TUBA4A: variants seen among roughly 807,000 people sequenced by gnomAD.
The protein encoded by TUBA4A is tubulin alpha-4A chain.
TUBA4A carries 23 observed loss-of-function variants against 34.3 expected under a neutral mutation model. The observed-to-expected ratio is 0.67, with a 90% confidence interval of 0.48 to 0.95. TUBA4A has a LOEUF of 0.95. Among genes scored for constraint, TUBA4A ranks in the 40% least tolerant of loss-of-function variants. The probability of loss-of-function intolerance (pLI) is 0.00; values close to 1 mark genes in which losing one functional copy is unlikely to be tolerated. For synonymous variants in TUBA4A, 216 were observed against 230.5 expected (o/e 0.94, Z 0.57); for missense variants, 279 against 599.0 (o/e 0.47, Z 5.58).
chr2:219,250,072 G>C lies in TUBA4A; in HGVS notation c.*280C>G, dbSNP rs984256326. ...CTCATCCTTCAACAGTTTGTGCCTG[G>C]ATTTTGGTCCTCATTTCCTCCCTAT... On this transcript the variant is annotated 3_prime_UTR_variant, in exon 4 of 4. Transcript: ENST00000248437. This position sits in a 1 kb window ranked among gnomAD's most constrained non-coding sequence, Gnocchi z 8.4. 6 of 401,498 alleles carry C rather than the reference G, an allele frequency of 1.5e-5. No homozygotes were observed. In the South Asian group the frequency reaches 2.4e-4, roughly 16 times the overall value. 24.9% of individuals were successfully genotyped at this position (401,498 alleles called of 1,614,324 possible).
In TUBA4A at chr2:219,251,113, C is replaced by T. The variant is rs1276213141; in HGVS notation, c.586G>A (p.Glu196Lys). 1.2e-6 allele frequency: 2 copies of T among 1,614,144 alleles called. No individual in the cohort carries two copies. Among genetic ancestry groups the T allele is most frequent in the East Asian group, 4.5e-5 (2 of 44,892 alleles). ...NSILTTHTTL[E>K]HSDCAFMVDN... ...ACCATGAAGGCACAGTCTGAGTGCTCCAGGGTGGTGTGGGTGGTCAGGATA... is the reference window on the plus strand; with the variant it reads ...ACCATGAAGGCACAGTCTGAGTGCTTCAGGGTGGTGTGGGTGGTCAGGATA... Residue 196 changes from glutamate (E) to lysine (K), a missense_variant, in exon 4 of 4, where the codon GAG becomes AAG. Physicochemically the swap from Glu to Lys is moderately conservative, Grantham distance 56. Around this residue, in one of 3 missense-constraint regions of TUBA4A, gnomAD observed 108 missense variants for 299.9 expected, o/e 0.36. Coordinates refer to ENST00000248437, the MANE Select transcript of TUBA4A (RefSeq NM_006000.3). This position sits in a 1 kb window ranked among gnomAD's most constrained non-coding sequence, Gnocchi z 6.1.
upstream of TUBA4A, chr2:219,253,941 C>T: frequency 5.0e-6 from 6 of 1,194,790 alleles, no homozygotes; most frequent in Non-Finnish European, 6.5e-6. Context: ...GCCGCACCGC[C>T]CTTATAGGCG....
At position 219,251,528 on chromosome 2, in the gene TUBA4A, T is replaced by C. The variant is rs1199764562; in HGVS notation, c.375+37A>G. The C allele has an allele frequency of 6.2e-7, 1 of 1,602,588 alleles. No individual in the cohort carries two copies. The highest frequency in any genetic ancestry group is 8.5e-7 in the Non-Finnish European group (1 of 1,172,224). Reference sequence around the variant, plus strand: ...AAAATATTCCTGACCATTAGCACAGTCTCAAAAGTTCCCTCCCTCCCAAGA... The same window carrying C: ...AAAATATTCCTGACCATTAGCACAGCCTCAAAAGTTCCCTCCCTCCCAAGA... On this transcript the variant is annotated intron_variant, in intron 3 of 3. Coordinates refer to ENST00000248437, the MANE Select transcript of TUBA4A (RefSeq NM_006000.3). This position sits in a 1 kb window ranked among gnomAD's most constrained non-coding sequence, Gnocchi z 6.1.
chr2:219,250,610 C>A lies in TUBA4A; in HGVS notation c.1089G>T (p.Val363=), dbSNP rs776470776. 6 of 1,614,128 alleles carry A rather than the reference C, an allele frequency of 3.7e-6. No homozygotes were observed. The highest frequency in any genetic ancestry group is 2.5e-6 in the Non-Finnish European group (3 of 1,180,048). ...VGINYQPPTV[V]PGGDLAKVQR... is the part of the protein sequence containing the mutation. ...GCACCTTGGCCAGGTCACCCCCAGG[C>A]ACCACAGTGGGAGGCTGGTAGTTGA... The change falls in exon 4 of 4, where the codon GTG becomes GTT. Residue 363 remains valine (V), a synonymous_variant. Coordinates refer to ENST00000248437, the MANE Select transcript of TUBA4A (RefSeq NM_006000.3). The surrounding 1 kb of genome is among the most constrained non-coding windows in gnomAD (Gnocchi z 8.4).
At position 219,251,455 on chromosome 2, in the gene TUBA4A, C is replaced by G; in HGVS notation, c.375+110G>C. 6.5e-7 allele frequency: 1 copy of G among 1,540,554 alleles called. No individual in the cohort carries two copies. Among genetic ancestry groups the G allele is most frequent in the South Asian group, 1.2e-5 (1 of 80,126 alleles). ...CTGAGGATGCCATAGCAGCACCACACTCGAGACCATGTATAGTTAGAGATG... is the reference window on the plus strand; with the variant it reads ...CTGAGGATGCCATAGCAGCACCACAGTCGAGACCATGTATAGTTAGAGATG... On this transcript the variant is annotated intron_variant, in intron 3 of 3. Coordinates refer to ENST00000248437, the MANE Select transcript of TUBA4A (RefSeq NM_006000.3). This position sits in a 1 kb window ranked among gnomAD's most constrained non-coding sequence, Gnocchi z 6.1.
rs1268948420 is a variant in TUBA4A, at chr2:219,251,955, G to A, written c.226+53C>T. On this transcript the variant is annotated intron_variant, in intron 2 of 3. Transcript: ENST00000248437. The surrounding 1 kb of genome is among the most constrained non-coding windows in gnomAD (Gnocchi z 6.1). The stretch of plus-strand genomic sequence containing the variant: ...TCTAAATACCCTCTCTCTCCAGGGA[G>A]AAGCTTTGAGTCATGCTCCACCCCC... The A allele has an allele frequency of 2.6e-6, 4 of 1,566,030 alleles. No individual in the cohort carries two copies. The highest frequency in any genetic ancestry group is 3.5e-6 in the Non-Finnish European group (4 of 1,138,960).
Position 219,250,059 on chromosome 2 carries a change from C to T in TUBA4A, c.*293G>A. 5.3e-6 allele frequency: 2 copies of T among 376,822 alleles called. No individual in the cohort carries two copies. Among genetic ancestry groups the T allele is most frequent in the African/African-American group, 2.0e-5 (1 of 49,282 alleles). 23.3% of individuals were successfully genotyped at this position (376,822 alleles called of 1,614,324 possible). A position where few individuals can be genotyped will look rare whatever the true frequency, so the allele number is the denominator to read the frequency against. ...AAGGAGCTGAAGACTCATCCTTCAA[C>T]AGTTTGTGCCTGGATTTTGGTCCTC... On this transcript the variant is annotated 3_prime_UTR_variant, in exon 4 of 4. Coordinates refer to ENST00000248437, the MANE Select transcript of TUBA4A (RefSeq NM_006000.3). The surrounding 1 kb of genome is among the most constrained non-coding windows in gnomAD (Gnocchi z 8.4).
chr2:219,250,623 G>A lies in TUBA4A; in HGVS notation c.1076C>T (p.Pro359Leu). ...TGFKVGINYQ[P>L]PTVVPGGDLA... ...GTCACCCCCAGGCACCACAGTGGGA[G>A]GCTGGTAGTTGATACCAACCTTGAA... Residue 359 changes from proline to leucine, a missense_variant, in exon 4 of 4, where the codon CCT (proline) becomes CTT (leucine). Transcript: ENST00000248437. This position sits in a 1 kb window ranked among gnomAD's most constrained non-coding sequence, Gnocchi z 8.4. The A allele has an allele frequency of 6.2e-7, 1 of 1,614,246 alleles. No homozygotes were observed. The highest frequency in any genetic ancestry group is 1.7e-5 in the Admixed American group (1 of 60,028).
Position 219,250,222 on chromosome 2 carries a change from G to A in TUBA4A, c.*130C>T, listed in dbSNP as rs1253607488. ...ATAAGGGTCATGAACAGCAAACAGA[G>A]CAGCAGCAGCATGAAGGGGAAGGCA... On this transcript the variant is annotated 3_prime_UTR_variant, in exon 4 of 4. Transcript: ENST00000248437. This position sits in a 1 kb window ranked among gnomAD's most constrained non-coding sequence, Gnocchi z 8.4. The A allele has an allele frequency of 3.0e-6, 4 of 1,316,816 alleles. No individual in the cohort carries two copies. In the African/African-American group the frequency reaches 4.4e-5, roughly 15 times the overall value. 81.6% of individuals were successfully genotyped at this position (1,316,816 alleles called of 1,614,324 possible).
At position 219,252,672 on chromosome 2, in the gene TUBA4A, C is replaced by A; in HGVS notation, c.4-442G>T. The A allele has an allele frequency of 2.3e-6, 1 of 432,736 alleles. No homozygotes were observed. Among genetic ancestry groups the A allele is most frequent in the South Asian group, 1.7e-5 (1 of 59,778 alleles). 26.8% of individuals were successfully genotyped at this position (432,736 alleles called of 1,614,324 possible). On this transcript the variant is annotated intron_variant, in intron 1 of 3. Coordinates refer to ENST00000248437, the MANE Select transcript of TUBA4A (RefSeq NM_006000.3). The surrounding 1 kb of genome is among the most constrained non-coding windows in gnomAD (Gnocchi z 4.1). ...CAATCTGGCATCAACTGACCACACG[C>A]CATCAGGATGCCCTCCTCCCTCACC...
intron 1 of TUBA4A, chr2:219,253,354 C>T: frequency 7.7e-7 from 1 of 1,301,916 alleles, no homozygotes; most frequent in Non-Finnish European, 1.0e-6. Flanking sequence ...TGCTGAGTCA[C>T]GGGGGGGGGG....
chr2:219,253,309 C>A, intron 1 of TUBA4A: 1 of 1,522,768 alleles, frequency 6.6e-7, no homozygotes, highest in South Asian at 1.2e-5. Context: ...AGGCCGAACC[C>A]CGTTCCCACC....
upstream of TUBA4A, chr2:219,254,005 G>T (rs1295813860): frequency 8.9e-6 from 7 of 790,108 alleles, no homozygotes; most frequent in South Asian, 3.0e-5. Context: ...TGGGCGGCCC[G>T]CAGGCCACGC....
chr2:219,251,835 A>G lies in TUBA4A; in HGVS notation c.227-122T>C, dbSNP rs1951653599. ...CCAGCCTGAGATACCAGAGTGTGAG[A>G]GAAACCCAGACCAGCTGCCCAGGCC... is the stretch of plus-strand genomic sequence containing the variant. On this transcript the variant is annotated intron_variant, in intron 2 of 3. Transcript: ENST00000248437. The surrounding 1 kb of genome is among the most constrained non-coding windows in gnomAD (Gnocchi z 6.1). The G allele has an allele frequency of 7.1e-7, 1 of 1,417,976 alleles. No individual in the cohort carries two copies. The highest frequency in any genetic ancestry group is 9.5e-7 in the Non-Finnish European group (1 of 1,048,138). The allele number at this position is 1,417,976 out of a possible 1,614,324, so 87.8% of individuals were successfully genotyped here. A position where few individuals can be genotyped will look rare whatever the true frequency, so the allele number is the denominator to read the frequency against.
intron 1 of TUBA4A, 68 bp downstream of exon 1, chr2:219,253,788 G>A: frequency 6.5e-7 from 1 of 1,526,952 alleles, no homozygotes; most frequent in Non-Finnish European, 8.8e-7. Context: ...AGCATGCCTG[G>A]AAGAAGTGTC....
chr2:219,252,267 A>T lies in TUBA4A; in HGVS notation c.4-37T>A. The T allele has an allele frequency of 6.4e-7, 1 of 1,564,828 alleles. No homozygotes were observed. Among genetic ancestry groups the T allele is most frequent in the Non-Finnish European group, 8.8e-7 (1 of 1,137,154 alleles). Reference sequence around the variant, plus strand: ...AGAGAGGGGACACAGCATGAGCCCCACATCCACAAGTCCTCACCTTGCGAG... The same window carrying T: ...AGAGAGGGGACACAGCATGAGCCCCTCATCCACAAGTCCTCACCTTGCGAG... On this transcript the variant is annotated intron_variant, in intron 1 of 3. Transcript: ENST00000248437. This position sits in a 1 kb window ranked among gnomAD's most constrained non-coding sequence, Gnocchi z 4.1.
At chr2:219,253,371 T>C (rs1951681139) in intron 1 of TUBA4A, 1 of 1,534,704 alleles carries the variant, frequency 6.5e-7, no homozygotes, top group Non-Finnish European at 8.7e-7. Flanking sequence ...GGGGTGGTTC[T>C]GTGGATAGTT....
upstream of TUBA4A, chr2:219,253,982 GC>G: frequency 9.5e-7 from 1 of 1,052,806 alleles, no homozygotes; most frequent in Non-Finnish European, 1.3e-6. Context: ...TTCCCCGCTC[GC>G]CCACTAGAGG....
At chr2:219,253,964 G>A, upstream of TUBA4A, 3 of 1,061,302 alleles carry the variant, frequency 2.8e-6, no homozygotes, top group Non-Finnish European at 3.8e-6. Context: ...GGGGGGGCGG[G>A]GCCCGCGTTC....
Sources: gnomAD v4.1 joint callset for allele counts on GRCh38, gnomAD v4.1.1 for gene constraint, gnomAD v4.1.1 regional missense constraint, Gnocchi (gnomAD v3.1) non-coding constraint, MANE v1.5 for transcripts, NCBI Gene and HGNC (gene_info 2026-07-23, HGNC 2026-07-21) for gene names.